ARHGAP15: variants seen among roughly 807,000 people sequenced by gnomAD.
ARHGAP15 encodes the protein rho GTPase-activating protein 15.
A neutral mutation model predicts 63.7 loss-of-function variants in ARHGAP15; 51 were observed. The observed-to-expected ratio is 0.80, with a 90% CI of 0.64 to 1.01. The LOEUF (loss-of-function observed/expected upper bound fraction) is 1.01, where lower values mean the gene tolerates loss of function less well. Among genes scored for constraint, ARHGAP15 ranks in the 50% least tolerant of loss-of-function variants. The pLI, the probability that ARHGAP15 is intolerant of heterozygous loss-of-function variation, is 0.00. For missense variants in ARHGAP15, 560 were observed against 564.6 expected, an observed-to-expected ratio of 0.99 and a Z score of 0.08; for synonymous variants, 191 against 193.8, an observed-to-expected ratio of 0.99 and a Z score of 0.12.
chr2:143,422,944 T>A (rs756801100), intron 6 of ARHGAP15, among the ~76,000 whole-genome samples: 10 of 152,096 alleles, frequency 6.6e-5, no homozygotes, highest in Non-Finnish European at 1.2e-4. Flanking sequence ...CATTCTCAAC[T>A]CTCAAGGCCT....
chr2:143,704,868 C>T (rs1008817345), intron 13 of ARHGAP15, among the ~76,000 whole-genome samples: 2 of 151,912 alleles, frequency 1.3e-5, no homozygotes, highest in African/African-American at 4.8e-5. Flanking sequence ...GCAATTGCAC[C>T]CCCCAAAATT....
intron 6 of ARHGAP15, among the ~76,000 whole-genome samples, chr2:143,298,526 T>C (rs1315950526): frequency 1.3e-5 from 2 of 152,018 alleles, no homozygotes; most frequent in African/African-American, 4.8e-5. Flanking sequence ...ATAATTATTT[T>C]CTAGGACGTG....
At chr2:143,209,473 G>A (rs1692483639) in intron 3 of ARHGAP15, among the ~76,000 whole-genome samples, 1 of 152,002 alleles carries the variant, frequency 6.6e-6, no homozygotes. Context: ...CCTTTCTAGA[G>A]AAGCGTTCAG....
intron 1 of ARHGAP15, among the ~76,000 whole-genome samples, chr2:143,136,107 C>A (rs753560929): frequency 1.3e-5 from 2 of 152,078 alleles, no homozygotes; most frequent in Non-Finnish European, 2.9e-5. Flanking sequence ...GTTAATGACA[C>A]CATATTAATC....
intron 13 of ARHGAP15, among the ~76,000 whole-genome samples, chr2:143,751,655 G>A (rs1300908656): frequency 1.3e-5 from 2 of 152,136 alleles, no homozygotes; most frequent in Non-Finnish European, 2.9e-5. Flanking sequence ...AATGGCGTCT[G>A]CTGGTCGTGG....
intron 12 of ARHGAP15, among the ~76,000 whole-genome samples, chr2:143,681,615 G>A (rs1683104026): frequency 6.6e-6 from 1 of 152,124 alleles, no homozygotes; most frequent in Non-Finnish European, 1.5e-5. Flanking sequence ...CATTCATCCA[G>A]ATTCTCTATA....
intron 5 of ARHGAP15, among the ~76,000 whole-genome samples, chr2:143,242,824 A>AAT (rs1160744775): frequency 6.6e-6 from 1 of 152,218 alleles, no homozygotes; most frequent in African/African-American, 2.4e-5. Context: ...CCCAAATGAG[A>AAT]ATATATAAAT....
At chr2:143,581,234 T>C (rs1162103629) in intron 11 of ARHGAP15, among the ~76,000 whole-genome samples, 1 of 74,848 alleles carries the variant, frequency 1.3e-5, no homozygotes, top group Non-Finnish European at 2.6e-5. Context: ...GCCATAAAGG[T>C]TAGAGAAGCT....
intron 2 of ARHGAP15, among the ~76,000 whole-genome samples, chr2:143,187,474 A>T (rs1400428231): frequency 6.6e-6 from 1 of 152,208 alleles, no homozygotes; most frequent in Admixed American, 6.5e-5. Context: ...AGCTAACATC[A>T]TTGAGCACTT....
At chr2:143,706,465 C>A (rs1195641755) in intron 13 of ARHGAP15, 1 of 152,108 alleles carries the variant, frequency 6.6e-6, no homozygotes, top group Non-Finnish European at 1.5e-5. Context: ...TTCCACTTGA[C>A]CTACGTACTC....
chr2:143,382,141 TC>T (rs1357996774), intron 6 of ARHGAP15, among the ~76,000 whole-genome samples: 2 of 149,442 alleles, frequency 1.3e-5, no homozygotes, highest in Non-Finnish European at 3.0e-5. Context: ...TTCCTTTCTT[TC>T]TTCCTCCCTT....
chr2:143,402,161 C>A (rs1331416025), intron 6 of ARHGAP15, among the ~76,000 whole-genome samples: 1 of 151,882 alleles, frequency 6.6e-6, no homozygotes, highest in Non-Finnish European at 1.5e-5. Context: ...AGAAGGAGAA[C>A]TTTTGATAGG....
intron 6 of ARHGAP15, among the ~76,000 whole-genome samples, chr2:143,383,016 C>T (rs1456331646): frequency 6.6e-6 from 1 of 152,178 alleles, no homozygotes; most frequent in African/African-American, 2.4e-5. Context: ...GTACCAGTAA[C>T]ACTAGCCATA....
At chr2:143,477,507 T>C (rs1366688319) in intron 8 of ARHGAP15, among the ~76,000 whole-genome samples, 1 of 152,174 alleles carries the variant, frequency 6.6e-6, no homozygotes, top group Non-Finnish European at 1.5e-5. Context: ...GCTGGATGTT[T>C]TTCCTATATC....
At chr2:143,670,654 C>T (rs1209125985) in intron 12 of ARHGAP15, among the ~76,000 whole-genome samples, 2 of 152,176 alleles carry the variant, frequency 1.3e-5, no homozygotes, top group African/African-American at 4.8e-5. Flanking sequence ...CCACCTTAGA[C>T]CAAATTTCTT....
At chr2:143,498,155 T>C (rs1420070644) in intron 9 of ARHGAP15, among the ~76,000 whole-genome samples, 1 of 152,184 alleles carries the variant, frequency 6.6e-6, no homozygotes, top group East Asian at 1.9e-4. Context: ...CATAAATTTC[T>C]AAGATTCAAA....
chr2:143,584,721 G>T (rs190384475), intron 11 of ARHGAP15, among the ~76,000 whole-genome samples: 24 of 152,286 alleles, frequency 1.6e-4, no homozygotes, highest in Non-Finnish European at 3.2e-4. Flanking sequence ...CAATCTTTAT[G>T]AATGTGAGTA....
intron 13 of ARHGAP15, among the ~76,000 whole-genome samples, chr2:143,764,137 A>G (rs1307552198): frequency 1.3e-5 from 2 of 152,206 alleles, no homozygotes; most frequent in African/African-American, 4.8e-5. Context: ...ATGGACATAA[A>G]GGATAGAGGT....
At chr2:143,480,465 CTAAT>C (rs1692028020) in intron 8 of ARHGAP15, among the ~76,000 whole-genome samples, 1 of 152,128 alleles carries the variant, frequency 6.6e-6, no homozygotes, top group African/African-American at 2.4e-5. Flanking sequence ...TGTTATGAAT[CTAAT>C]TGTCTATTTT....
Sources: gnomAD v4.1 joint callset for allele counts (sites outside exome capture counted in the v4.1 genomes callset) on GRCh38, gnomAD v4.1.1 for gene constraint, MANE v1.5 for transcripts, NCBI Gene and HGNC (gene_info 2026-07-23, HGNC 2026-07-21) for gene names.